MYO1B: variants seen among roughly 807,000 people sequenced by gnomAD.
MYO1B encodes unconventional myosin-Ib.
MYO1B carries 72 observed loss-of-function variants against 159.7 expected under a neutral mutation model. That is an observed-to-expected ratio of 0.45 (90% CI 0.37 to 0.55). MYO1B has a LOEUF of 0.55. Ranked by LOEUF, MYO1B falls within the 20% of genes least tolerant of loss-of-function variation. The pLI is 0.00. For missense variants in MYO1B, 1,062 were observed against 1,364.8 expected (o/e 0.78, Z 3.50); for synonymous variants, 468 against 473.8 (o/e 0.99, Z 0.16).
chr2:191,338,601 C>A (rs1692008535), intron 4 of MYO1B, among the ~76,000 whole-genome samples: 1 of 152,148 alleles, frequency 6.6e-6, no homozygotes, highest in Admixed American at 6.5e-5. Context: ...CAAATCAATT[C>A]TAGTAGCCAC....
chr2:191,351,000 G>T (rs1692883490), intron 7 of MYO1B, among the ~76,000 whole-genome samples: 1 of 151,940 alleles, frequency 6.6e-6, no homozygotes, highest in South Asian at 2.1e-4. Flanking sequence ...CTTGACTCGT[G>T]GTTGATTAGT....
intron 3 of MYO1B, among the ~76,000 whole-genome samples, chr2:191,301,815 G>T (rs7565987): frequency 0.53 from 80,527 of 152,078 alleles, 22,070 homozygotes; most frequent in East Asian, 0.65. Context: ...CTGGCCTTTT[G>T]TGTTGGGTGA....
At chr2:191,304,348 A>C (rs778566053) in intron 3 of MYO1B, among the ~76,000 whole-genome samples, 1 of 152,182 alleles carries the variant, frequency 6.6e-6, no homozygotes, top group Admixed American at 6.5e-5. Context: ...AGGTGAGTGG[A>C]TCACCTGAGG....
At chr2:191,419,275 G>A (rs1697779265) in intron 30 of MYO1B, among the ~76,000 whole-genome samples, 1 of 151,918 alleles carries the variant, frequency 6.6e-6, no homozygotes, top group African/African-American at 2.4e-5. Flanking sequence ...CTGGAGTGCA[G>A]TGGCGTGATC....
chr2:191,284,977 C>T (rs1688280327), intron 2 of MYO1B, among the ~76,000 whole-genome samples: 3 of 152,172 alleles, frequency 2.0e-5, no homozygotes, highest in South Asian at 4.1e-4. Context: ...CTCTTCTCCC[C>T]TTCCCTGCCT....
At chr2:191,296,066 T>C in intron 2 of MYO1B, 45 bp from the exon 3 acceptor site, 7 of 1,146,346 alleles carry the variant, frequency 6.1e-6, no homozygotes, top group Non-Finnish European at 8.7e-6. Context: ...TTAAAATACA[T>C]TTTGTGTACT....
At chr2:191,390,627 AT>A in intron 18 of MYO1B, 135 bp downstream of exon 18, 2 of 1,011,848 alleles carry the variant, frequency 2.0e-6, no homozygotes, top group Non-Finnish European at 2.8e-6. Context: ...ACCTTCTTCC[AT>A]TAGGATACCA....
intron 13 of MYO1B, among the ~76,000 whole-genome samples, chr2:191,374,061 T>G (rs2126049529): frequency 6.6e-6 from 1 of 152,322 alleles, no homozygotes; most frequent in South Asian, 2.1e-4. Context: ...CAGACGTGTT[T>G]TTCTTCTTTT....
intron 2 of MYO1B, among the ~76,000 whole-genome samples, chr2:191,294,101 G>T (rs771658251): frequency 4.6e-5 from 7 of 152,122 alleles, no homozygotes; most frequent in Non-Finnish European, 8.8e-5. Flanking sequence ...ATGCAGCTGG[G>T]GGAAAACAAA....
At chr2:191,269,810 A>G (rs6755243) in intron 1 of MYO1B, among the ~76,000 whole-genome samples, 80,608 of 151,930 alleles carry the variant, frequency 0.53, 22,107 homozygotes, top group East Asian at 0.66. Flanking sequence ...GACAGATTGG[A>G]TATGTGGGAA....
At position 191,339,052 on chromosome 2, in the gene MYO1B, T is replaced by C. The variant is rs201004459; in HGVS notation, c.347-2409T>C. 3.3e-5 allele frequency among the ~76,000 whole-genome samples: 5 copies of C among 152,200 alleles called. No individual in the cohort carries two copies. In the East Asian group the frequency reaches 9.7e-4, roughly 29 times the overall value. ...TCAGGTGGGGATGGGGAACAAAGAA[T>C]GCCACTGAGAAAGCAGAAACATGAG... On this transcript the variant is annotated intron_variant, in intron 4 of 30. Transcript: ENST00000392318.
chr2:191,349,418 G>T (rs1692773798), intron 6 of MYO1B, among the ~76,000 whole-genome samples: 2 of 152,062 alleles, frequency 1.3e-5, no homozygotes, highest in African/African-American at 4.8e-5. Flanking sequence ...CAAAACTAAA[G>T]ACTTTACTTA....
intron 3 of MYO1B, among the ~76,000 whole-genome samples, chr2:191,307,983 CAG>C (rs2125851109): frequency 6.6e-6 from 1 of 152,214 alleles, no homozygotes; most frequent in South Asian, 2.1e-4. Flanking sequence ...CCCAAAAAAA[CAG>C]AATTGTGTTC....
intron 7 of MYO1B, among the ~76,000 whole-genome samples, chr2:191,358,881 G>C (rs1479653063): frequency 6.6e-6 from 1 of 152,244 alleles, no homozygotes; most frequent in African/African-American, 2.4e-5. Flanking sequence ...GTCATCACGT[G>C]TCCAGCTGGT....
Position 191,368,338 on chromosome 2 carries a change from C to T in MYO1B, c.1033-1204C>T, listed in dbSNP as rs116066091. On this transcript the variant is annotated intron_variant, in intron 11 of 30. Transcript: ENST00000392318. ...CATACGGCCAGCATGTTGAAAATAGCAACAAAACCTCAAGCTTTTTCTCTC... is the reference window on the plus strand; with the variant it reads ...CATACGGCCAGCATGTTGAAAATAGTAACAAAACCTCAAGCTTTTTCTCTC... 5.4e-3 allele frequency among the ~76,000 whole-genome samples: 816 copies of T among 152,260 alleles called. 6 individuals are homozygous for T. The highest frequency in any genetic ancestry group is 0.019 in the African/African-American group (787 of 41,554).
intron 3 of MYO1B, among the ~76,000 whole-genome samples, chr2:191,301,142 G>T (rs1689303554): frequency 6.6e-6 from 1 of 152,194 alleles, no homozygotes; most frequent in Admixed American, 6.5e-5. Context: ...AGGAAATGTG[G>T]CTGTGCTGTG....
At chr2:191,366,098 A>G (rs1459408590) in intron 11 of MYO1B, among the ~76,000 whole-genome samples, 2 of 152,228 alleles carry the variant, frequency 1.3e-5, no homozygotes, top group Non-Finnish European at 2.9e-5. Flanking sequence ...GGACATTTTC[A>G]ATAGCCAGAG....
intron 1 of MYO1B, among the ~76,000 whole-genome samples, chr2:191,274,869 A>G (rs1258909503): frequency 6.6e-6 from 1 of 151,920 alleles, no homozygotes; most frequent in Non-Finnish European, 1.5e-5. Context: ...CTTTGGGCCG[A>G]CGTTGTTGAG....
intron 3 of MYO1B, among the ~76,000 whole-genome samples, chr2:191,322,453 A>G (rs979041088): frequency 6.6e-6 from 1 of 152,112 alleles, no homozygotes. Flanking sequence ...CCCAGTTCAC[A>G]TTCTTACCAG....
Sources: gnomAD v4.1 joint callset for allele counts (sites outside exome capture counted in the v4.1 genomes callset) on GRCh38, gnomAD v4.1.1 for gene constraint, MANE v1.5 for transcripts, NCBI Gene and HGNC (gene_info 2026-07-23, HGNC 2026-07-21) for gene names.